Variants in RSRC1 observed in about 807,000 individuals in gnomAD.
The protein encoded by RSRC1 is arginine and serine rich coiled-coil 1, also known as serine/Arginine-related protein 53.
Under a neutral mutation model 49.1 loss-of-function variants are expected in RSRC1, and 39 were observed. The observed-to-expected ratio is 0.79, with a 90% CI of 0.61 to 1.04. RSRC1 has a LOEUF of 1.04. RSRC1 is among the 50% of genes least tolerant of loss of function. The pLI, the probability that RSRC1 is intolerant of heterozygous loss-of-function variation, is 0.00. For synonymous variants in RSRC1, 143 were observed against 130.8 expected, an observed-to-expected ratio of 1.09 and a Z score of -0.63; for missense variants, 388 against 402.4, an observed-to-expected ratio of 0.96 and a Z score of 0.31.
chr3:158,174,074 A>C (rs1578162631), intron 3 of RSRC1, among the ~76,000 whole-genome samples: 1 of 152,040 alleles, frequency 6.6e-6, no homozygotes, highest in East Asian at 1.9e-4. Flanking sequence ...AGTTTTACAT[A>C]TAAAATGGAT....
intron 3 of RSRC1, among the ~76,000 whole-genome samples, chr3:158,147,826 A>G (rs140098875): frequency 4.6e-5 from 7 of 152,124 alleles, no homozygotes; most frequent in Non-Finnish European, 1.0e-4. Context: ...AGGGAATCAT[A>G]CTAATTCTGT....
intron 4 of RSRC1, among the ~76,000 whole-genome samples, chr3:158,283,830 T>C (rs934113150): frequency 5.3e-5 from 8 of 152,112 alleles, no homozygotes; most frequent in Non-Finnish European, 1.0e-4. Context: ...TGCATGAGGA[T>C]ACCTGATTCT....
At chr3:158,155,236 G>A (rs548605710) in intron 3 of RSRC1, among the ~76,000 whole-genome samples, 1 of 152,130 alleles carries the variant, frequency 6.6e-6, no homozygotes, top group Non-Finnish European at 1.5e-5. Context: ...AGATTCATCA[G>A]AGAAGTCACT....
At chr3:158,485,680 A>G (rs932007434) in intron 7 of RSRC1, among the ~76,000 whole-genome samples, 18 of 152,270 alleles carry the variant, frequency 1.2e-4, no homozygotes, top group African/African-American at 4.1e-4. Flanking sequence ...TGAATCTGCT[A>G]TCTCAAAGTT....
At chr3:158,365,420 TA>T (rs1731708897) in intron 6 of RSRC1, among the ~76,000 whole-genome samples, 1 of 152,164 alleles carries the variant, frequency 6.6e-6, no homozygotes, top group African/African-American at 2.4e-5. Flanking sequence ...GTTCCTGTGT[TA>T]GTTTGCTGAG....
chr3:158,131,566 A>C (rs1220493352), intron 3 of RSRC1, among the ~76,000 whole-genome samples: 1 of 152,110 alleles, frequency 6.6e-6, no homozygotes, highest in Non-Finnish European at 1.5e-5. Context: ...TGACAGATGT[A>C]CTCATGAACT....
At chr3:158,137,460 C>T (rs1716449051) in intron 3 of RSRC1, among the ~76,000 whole-genome samples, 2 of 150,168 alleles carry the variant, frequency 1.3e-5, no homozygotes, top group Non-Finnish European at 3.0e-5. Flanking sequence ...AAGATGATGC[C>T]CTTGCAGTTT....
chr3:158,352,921 A>G (rs1388127248), intron 5 of RSRC1, among the ~76,000 whole-genome samples: 1 of 152,156 alleles, frequency 6.6e-6, no homozygotes, highest in Non-Finnish European at 1.5e-5. Flanking sequence ...TATGACTTTT[A>G]TATTCAGTAG....
intron 4 of RSRC1, among the ~76,000 whole-genome samples, chr3:158,249,945 T>A (rs1724116497): frequency 6.6e-6 from 1 of 152,154 alleles, no homozygotes; most frequent in Non-Finnish European, 1.5e-5. Flanking sequence ...CCACTAACCA[T>A]CCTGACTTCC....
chr3:158,138,057 G>A (rs940035300), intron 3 of RSRC1, among the ~76,000 whole-genome samples: 2 of 152,072 alleles, frequency 1.3e-5, no homozygotes, highest in Non-Finnish European at 2.9e-5. Flanking sequence ...GCCCTTTGTT[G>A]CCCAGATACA....
chr3:158,176,725 T>C (rs1487642487), intron 3 of RSRC1, among the ~76,000 whole-genome samples: 1 of 152,088 alleles, frequency 6.6e-6, no homozygotes, highest in Non-Finnish European at 1.5e-5. Flanking sequence ...CCATTCAGGA[T>C]ATAGGCATGG....
rs368945821 is a variant in RSRC1, at chr3:158,515,719, G to A, written c.653-21373G>A. 3.5e-3 allele frequency among the ~76,000 whole-genome samples: 513 copies of A among 146,996 alleles called. 2 individuals carry two copies. Among genetic ancestry groups the A allele is most frequent in the African/African-American group, 0.012 (448 of 38,698 alleles). On this transcript the variant is annotated intron_variant, in intron 7 of 9. Coordinates refer to ENST00000611884, the MANE Select transcript of RSRC1 (RefSeq NM_001271838.2). Reference sequence around the variant, plus strand: ...TTTCCAACTTGGTTCCATTCTCCCCGTCACTTTCAGGTACACCAATCAGAC... The same window carrying A: ...TTTCCAACTTGGTTCCATTCTCCCCATCACTTTCAGGTACACCAATCAGAC...
intron 4 of RSRC1, among the ~76,000 whole-genome samples, chr3:158,283,959 T>A (rs1234896008): frequency 6.6e-6 from 1 of 151,900 alleles, no homozygotes; most frequent in East Asian, 1.9e-4. Context: ...GTTACATATG[T>A]ATACATGTGC....
chr3:158,119,314 A>G (rs996176478), intron 1 of RSRC1, among the ~76,000 whole-genome samples: 8 of 152,304 alleles, frequency 5.3e-5, no homozygotes, highest in African/African-American at 1.9e-4. Flanking sequence ...AAGTTTTCTT[A>G]GCTCTAAATT....
At chr3:158,208,145 A>T (rs1721451771) in intron 4 of RSRC1, among the ~76,000 whole-genome samples, 1 of 152,080 alleles carries the variant, frequency 6.6e-6, no homozygotes, top group Non-Finnish European at 1.5e-5. Context: ...ATGTTTAATG[A>T]CTTTTAATGT....
At chr3:158,211,578 A>G (rs1488976898) in intron 4 of RSRC1, among the ~76,000 whole-genome samples, 1 of 152,012 alleles carries the variant, frequency 6.6e-6, no homozygotes, top group African/African-American at 2.4e-5. Context: ...TCAATTATCT[A>G]TAATCTATGG....
At chr3:158,407,966 C>T (rs1180120331) in intron 6 of RSRC1, among the ~76,000 whole-genome samples, 2 of 152,122 alleles carry the variant, frequency 1.3e-5, no homozygotes, top group Non-Finnish European at 2.9e-5. Context: ...GTTCTGAATT[C>T]TAATCCTGGC....
chr3:158,261,645 C>T (rs976498530), intron 4 of RSRC1, among the ~76,000 whole-genome samples: 5 of 152,162 alleles, frequency 3.3e-5, no homozygotes, highest in African/African-American at 1.2e-4. Flanking sequence ...GCATTACTGC[C>T]TGAGCTCTGC....
chr3:158,292,437 G>A (rs1193586830), intron 4 of RSRC1, among the ~76,000 whole-genome samples: 1 of 152,116 alleles, frequency 6.6e-6, no homozygotes, highest in African/African-American at 2.4e-5. Flanking sequence ...AAGACCTGCT[G>A]TACTCCTGTG....
Sources: gnomAD v4.1 joint callset for allele counts (sites outside exome capture counted in the v4.1 genomes callset) on GRCh38, gnomAD v4.1.1 for gene constraint, MANE v1.5 for transcripts, NCBI Gene and HGNC (gene_info 2026-07-23, HGNC 2026-07-21) for gene names.